Variants in PPP1R21 observed in about 807,000 individuals in gnomAD.
PPP1R21 encodes protein phosphatase 1 regulatory subunit 21, also known as KLRAQ motif containing 1.
Under a neutral mutation model 112.8 loss-of-function variants are expected in PPP1R21, and 85 were observed. That is an observed-to-expected ratio of 0.75 (90% CI 0.63 to 0.90). The LOEUF is 0.90. PPP1R21 is among the 40% of genes least tolerant of loss of function. The probability of loss-of-function intolerance (pLI) is 0.00; values close to 1 mark genes in which losing one functional copy is unlikely to be tolerated. For synonymous variants in PPP1R21, 381 were observed against 322.3 expected (o/e 1.18, Z -1.95); for missense variants, 1,199 against 901.5 (o/e 1.33, Z -4.23).
intron 7 of PPP1R21, 41 bp from the exon 8 acceptor site, chr2:48,464,896 G>C: frequency 6.7e-7 from 1 of 1,483,154 alleles, no homozygotes; most frequent in East Asian, 2.4e-5. Context: ...TCCAGTATAT[G>C]TGAAATGAGA....
chr2:48,467,269 C>T (rs1353254566), intron 9 of PPP1R21, among the ~76,000 whole-genome samples: 1 of 152,114 alleles, frequency 6.6e-6, no homozygotes, highest in African/African-American at 2.4e-5. Flanking sequence ...TCTTTCTTTC[C>T]CTTTTTTCTC....
intron 1 of PPP1R21, chr2:48,441,227 G>C (rs1165121883): frequency 3.4e-6 from 2 of 592,234 alleles, no homozygotes; most frequent in Non-Finnish European, 6.1e-6. Flanking sequence ...TTTTTGCAGG[G>C]AGAAGCTGGA....
In PPP1R21 at chr2:48,491,112, C is replaced by T; in HGVS notation, c.1541C>T (p.Ala514Val). 1 of 1,614,134 alleles carries T rather than the reference C, an allele frequency of 6.2e-7. No individual in the cohort carries two copies. The highest frequency in any genetic ancestry group is 2.2e-5 in the East Asian group (1 of 44,882). The change falls in exon 15 of 22, where the codon GCT becomes GTT. Residue 514 changes from alanine to valine, a missense_variant. Transcript: ENST00000294952. ...AGTGGATTCATTAGTCCTCTTTCAG[C>T]TGAATGCATGCTACAGTATAAGAAA... is the stretch of plus-strand genomic sequence containing the variant. ...AASGFISPLS[A>V]ECMLQYKKKA...
intron 17 of PPP1R21, among the ~76,000 whole-genome samples, chr2:48,500,505 A>G (rs1337681192): frequency 6.6e-6 from 1 of 152,206 alleles, no homozygotes; most frequent in African/African-American, 2.4e-5. Context: ...CCCAAGAATT[A>G]AAATTTTTAG....
intron 12 of PPP1R21, among the ~76,000 whole-genome samples, chr2:48,476,198 G>A (rs1668748009): frequency 6.6e-6 from 1 of 152,090 alleles, no homozygotes; most frequent in African/African-American, 2.4e-5. Context: ...CATTTAAATG[G>A]AATAATATGG....
In PPP1R21 at chr2:48,471,627, C is replaced by T. The variant is rs1668499154; in HGVS notation, c.1088+260C>T. ...ACCATTATCATCCCTTTGCAGTTAA[C>T]ACCTAGATGGGTGTTCATAATAGTT... is the stretch of plus-strand genomic sequence containing the variant. On this transcript the variant is annotated intron_variant, in intron 11 of 21. Coordinates refer to ENST00000294952, the MANE Select transcript of PPP1R21 (RefSeq NM_001135629.3). Among the ~76,000 whole-genome samples, 3 of 152,200 alleles carry T rather than the reference C, an allele frequency of 2.0e-5. No individual in the cohort carries two copies. In the South Asian group the frequency reaches 6.2e-4, roughly 31 times the overall value.
At chr2:48,444,883 G>A (rs977878310) in intron 1 of PPP1R21, among the ~76,000 whole-genome samples, 1 of 150,258 alleles carries the variant, frequency 6.7e-6, no homozygotes, top group Non-Finnish European at 1.5e-5. Flanking sequence ...TTTTGGGACA[G>A]TGGATGCCAG....
chr2:48,456,727 T>C (rs184272890), intron 3 of PPP1R21, among the ~76,000 whole-genome samples: 235 of 152,334 alleles, frequency 1.5e-3, no homozygotes, highest in African/African-American at 5.3e-3. Flanking sequence ...ATAACACTTA[T>C]GTATTAGAAT....
intron 15 of PPP1R21, among the ~76,000 whole-genome samples, chr2:48,493,296 C>T (rs891725890): frequency 2.6e-5 from 4 of 152,140 alleles, no homozygotes; most frequent in African/African-American, 7.2e-5. Context: ...TGAGCCACTG[C>T]GCCCGGCCTT....
rs376347710 is a variant in PPP1R21, at chr2:48,461,119, ATT to A, written c.600-6_600-5del. On this transcript the variant is annotated splice_polypyrimidine_tract_variant and intron_variant, in intron 6 of 21. Coordinates refer to ENST00000294952, the MANE Select transcript of PPP1R21 (RefSeq NM_001135629.3). The stretch of plus-strand genomic sequence containing the variant: ...GTGATTGGTGATAATGTGGTTTTGT[ATT>A]TTTTTTTTTTTTGCAGTCAATTACA... 4,415 of 1,462,256 alleles carry A rather than the reference ATT, an allele frequency of 3.0e-3. No homozygotes were observed. Among genetic ancestry groups the A allele is most frequent in the Admixed American group, 0.011 (426 of 40,512 alleles). 90.6% of individuals were successfully genotyped at this position (1,462,256 alleles called of 1,614,324 possible).
chr2:48,495,907 T>G, intron 16 of PPP1R21, 136 bp downstream of exon 16: 1 of 567,926 alleles, frequency 1.8e-6, no homozygotes, highest in Non-Finnish European at 3.2e-6. Flanking sequence ...TAATACATAC[T>G]AAAAAGCAAA....
At chr2:48,441,230 A>G in intron 1 of PPP1R21, 1 of 590,006 alleles carries the variant, frequency 1.7e-6, no homozygotes, top group Non-Finnish European at 3.0e-6. Flanking sequence ...TTGCAGGGAG[A>G]AGCTGGAGTT....
At chr2:48,447,177 G>A (rs1667285361) in intron 1 of PPP1R21, among the ~76,000 whole-genome samples, 1 of 152,222 alleles carries the variant, frequency 6.6e-6, no homozygotes, top group African/African-American at 2.4e-5. Context: ...TGAGGCACAG[G>A]CTCTCTATGG....
At chr2:48,487,013 A>G (rs1339794193) in intron 14 of PPP1R21, among the ~76,000 whole-genome samples, 4 of 152,190 alleles carry the variant, frequency 2.6e-5, no homozygotes, top group Admixed American at 2.0e-4. Context: ...GGCGGGGACT[A>G]TGGGCACATG....
At chr2:48,447,040 T>G (rs755393450) in intron 1 of PPP1R21, among the ~76,000 whole-genome samples, 1 of 152,134 alleles carries the variant, frequency 6.6e-6, no homozygotes, top group African/African-American at 2.4e-5. Flanking sequence ...CATGAGCCAC[T>G]GCTCCCAGCC....
intron 16 of PPP1R21, among the ~76,000 whole-genome samples, chr2:48,496,710 C>T (rs1358405835): frequency 1.3e-5 from 2 of 152,140 alleles, no homozygotes; most frequent in African/African-American, 4.8e-5. Context: ...TCAAGTGATC[C>T]CCTGCCTTGG....
chr2:48,451,199 C>G (rs1217661090), intron 2 of PPP1R21, 123 bp downstream of exon 2: 7 of 701,152 alleles, frequency 1.0e-5, no homozygotes, highest in Admixed American at 4.6e-5. Flanking sequence ...GGATAGGGGA[C>G]AGTAATACAG....
intron 21 of PPP1R21, among the ~76,000 whole-genome samples, chr2:48,513,089 TC>T (rs1264720677): frequency 1.5e-4 from 23 of 152,312 alleles, no homozygotes; most frequent in Middle Eastern, 3.4e-3. Flanking sequence ...CTCTGGAACT[TC>T]AGAAGTATTT....
chr2:48,452,735 T>C, intron 2 of PPP1R21, among the ~76,000 whole-genome samples: 1 of 152,002 alleles, frequency 6.6e-6, no homozygotes, highest in East Asian at 1.9e-4. Flanking sequence ...TTGATTTGAA[T>C]TTTTAAAATT....
Sources: allele counts gnomAD v4.1 joint callset (sites outside exome capture counted in the v4.1 genomes callset), GRCh38; gene constraint gnomAD v4.1.1; transcripts MANE v1.5; gene names NCBI Gene and HGNC (gene_info 2026-07-23, HGNC 2026-07-21).